Variants in GTF2IRD1 observed in about 807,000 individuals in gnomAD.
GTF2IRD1 encodes GTF2I repeat domain containing 1.
In GTF2IRD1, 26 loss-of-function variants were observed where a neutral mutation model predicts 113.2. That is an observed-to-expected ratio of 0.23 (90% CI 0.17 to 0.32). GTF2IRD1 has a LOEUF of 0.32. GTF2IRD1 is among the 10% of genes least tolerant of loss of function. The probability of loss-of-function intolerance (pLI) is 1.00; values close to 1 mark genes in which losing one functional copy is unlikely to be tolerated. For synonymous variants in GTF2IRD1, 484 were observed against 529.1 expected (o/e 0.91, Z 1.17); for missense variants, 864 against 1,280.8 (o/e 0.67, Z 4.97).
At chr7:74,589,745 A>G (rs1801942039) in intron 22 of GTF2IRD1, 106 bp from the exon 23 acceptor site, 1 of 686,006 alleles carries the variant, frequency 1.5e-6, no homozygotes, top group Non-Finnish European at 2.6e-6. Flanking sequence ...TCGGCCCTGC[A>G]GAGAATGTAA....
intron 4 of GTF2IRD1, 93 bp from the exon 5 acceptor site, chr7:74,518,046 C>T (rs1450042730): frequency 1.1e-6 from 1 of 881,136 alleles, no homozygotes; most frequent in Admixed American, 3.0e-5. Flanking sequence ...AGGGGAGCCA[C>T]TCAGCACTGC....
intron 22 of GTF2IRD1, among the ~76,000 whole-genome samples, chr7:74,561,521 G>C (rs1323147289): frequency 6.6e-6 from 1 of 151,842 alleles, no homozygotes; most frequent in Non-Finnish European, 1.5e-5. Flanking sequence ...AGGCAGAGAG[G>C]AGGGTGGGTT....
In GTF2IRD1 at chr7:74,508,063, C is replaced by T. The variant is rs1554341593; in HGVS notation, c.-6-12C>T. On this transcript the variant is annotated splice_polypyrimidine_tract_variant and intron_variant, in intron 1 of 26. Transcript: ENST00000424337. ...CTTGTGCCCACCACCACTGCCTCCT[C>T]CCTCCCCACAGGCGACCATGGCCTT... 1.2e-6 allele frequency: 2 copies of T among 1,600,060 alleles called. No homozygotes were observed. Among genetic ancestry groups the T allele is most frequent in the East Asian group, 2.2e-5 (1 of 44,802 alleles).
intron 22 of GTF2IRD1, among the ~76,000 whole-genome samples, chr7:74,564,022 TTTG>T (rs1467996495): frequency 1.3e-5 from 2 of 151,734 alleles, no homozygotes; most frequent in Admixed American, 1.3e-4. Context: ...TTGTTTTTGT[TTTG>T]TTTTGTTTTT....
chr7:74,528,441 A>G (rs782701567), intron 8 of GTF2IRD1, among the ~76,000 whole-genome samples: 15 of 151,944 alleles, frequency 9.9e-5, no homozygotes, highest in Non-Finnish European at 1.8e-4. Flanking sequence ...GGGCTCAAGC[A>G]TTTCCCAACA....
intron 17 of GTF2IRD1, among the ~76,000 whole-genome samples, chr7:74,551,100 G>A (rs1489688354): frequency 6.6e-6 from 1 of 152,144 alleles, no homozygotes; most frequent in African/African-American, 2.4e-5. Context: ...CCAGCACTTT[G>A]AGAGGCCAAG....
chr7:74,558,364 T>TTTTTTTTTTTTTG (rs1799740977), intron 20 of GTF2IRD1, among the ~76,000 whole-genome samples: 2 of 121,280 alleles, frequency 1.6e-5, no homozygotes, highest in Non-Finnish European at 3.5e-5. Flanking sequence ...TTTTTTTTTT[T>TTTTTTTTTTTTTG]TTTTTTTTTT....
intron 22 of GTF2IRD1, among the ~76,000 whole-genome samples, chr7:74,587,276 C>T (rs1418410198): frequency 6.6e-6 from 1 of 152,134 alleles, no homozygotes; most frequent in Non-Finnish European, 1.5e-5. Flanking sequence ...AAAACCCCAT[C>T]TCTACTAAAT....
intron 8 of GTF2IRD1, among the ~76,000 whole-genome samples, chr7:74,526,910 CG>C (rs1797634502): frequency 6.6e-6 from 1 of 152,112 alleles, no homozygotes; most frequent in Non-Finnish European, 1.5e-5. Context: ...AAGCCGCCAA[CG>C]CAGACCTGGG....
intron 22 of GTF2IRD1, among the ~76,000 whole-genome samples, chr7:74,565,244 G>A (rs1800226390): frequency 6.6e-6 from 1 of 152,224 alleles, no homozygotes; most frequent in Admixed American, 6.5e-5. Context: ...TAGGGAGACT[G>A]CCAGGCGCGG....
intron 1 of GTF2IRD1, among the ~76,000 whole-genome samples, chr7:74,492,819 A>G (rs1350916341): frequency 6.7e-6 from 1 of 150,272 alleles, no homozygotes; most frequent in Non-Finnish European, 1.5e-5. Flanking sequence ...GGCTGCCAGC[A>G]CTCCTGGGCT....
intron 1 of GTF2IRD1, among the ~76,000 whole-genome samples, chr7:74,503,974 A>G (rs1796167144): frequency 6.6e-6 from 1 of 152,022 alleles, no homozygotes; most frequent in Non-Finnish European, 1.5e-5. Flanking sequence ...TGAGTACCCA[A>G]CGTTTAGCTC....
chr7:74,576,280 G>A (rs1228043959), intron 22 of GTF2IRD1, among the ~76,000 whole-genome samples: 1 of 151,974 alleles, frequency 6.6e-6, no homozygotes, highest in Non-Finnish European at 1.5e-5. Flanking sequence ...GGTGTCAGGG[G>A]CCAGGTGCAG....
intron 1 of GTF2IRD1, among the ~76,000 whole-genome samples, chr7:74,503,166 C>CAA (rs10626336): frequency 0.07 from 9,822 of 140,828 alleles, 382 homozygotes; most frequent in Middle Eastern, 0.086. Context: ...GACTCCATCT[C>CAA]AAAAAAAAAA....
chr7:74,497,343 G>T (rs781934784), intron 1 of GTF2IRD1, among the ~76,000 whole-genome samples: 1 of 151,926 alleles, frequency 6.6e-6, no homozygotes, highest in Non-Finnish European at 1.5e-5. Flanking sequence ...CCTCACTGCA[G>T]CCCCAACCTC....
chr7:74,543,597 T>C (rs1239391597), intron 14 of GTF2IRD1, among the ~76,000 whole-genome samples: 1 of 152,168 alleles, frequency 6.6e-6, no homozygotes, highest in East Asian at 1.9e-4. Flanking sequence ...AGTTAAATGA[T>C]ACAGAACTGT....
chr7:74,491,421 A>C (rs1287760516), intron 1 of GTF2IRD1, among the ~76,000 whole-genome samples: 1 of 140,860 alleles, frequency 7.1e-6, no homozygotes, highest in Admixed American at 7.6e-5. Flanking sequence ...TTCTTTTTTC[A>C]CCCAGGTATT....
At chr7:74,578,334 C>T (rs782229115) in intron 22 of GTF2IRD1, among the ~76,000 whole-genome samples, 7 of 151,608 alleles carry the variant, frequency 4.6e-5, no homozygotes, top group South Asian at 2.1e-4. Context: ...TATAGGTGCC[C>T]GCCACCACGC....
chr7:74,510,904 C>T (rs191042120), intron 2 of GTF2IRD1, among the ~76,000 whole-genome samples: 2 of 152,168 alleles, frequency 1.3e-5, no homozygotes, highest in Non-Finnish European at 1.5e-5. Context: ...CAAAAATTAG[C>T]CAGGCATGGT....
Sources: gnomAD v4.1 joint callset for allele counts (sites outside exome capture counted in the v4.1 genomes callset) on GRCh38, gnomAD v4.1.1 for gene constraint, MANE v1.5 for transcripts, NCBI Gene and HGNC (gene_info 2026-07-23, HGNC 2026-07-21) for gene names.